CORIN: variants seen among roughly 807,000 people sequenced by gnomAD.
CORIN encodes atrial natriuretic peptide-converting enzyme.
Under a neutral mutation model 125.3 loss-of-function variants are expected in CORIN, and 117 were observed. The ratio of observed to expected loss-of-function variants is 0.93; its 90% CI spans 0.80 to 1.09. The LOEUF (loss-of-function observed/expected upper bound fraction) is 1.09, where lower values mean the gene tolerates loss of function less well. Ranked by LOEUF, CORIN falls within the 50% of genes least tolerant of loss-of-function variation. The pLI is 0.00. For missense variants in CORIN, 1,253 were observed against 1,306.7 expected (o/e 0.96, Z 0.63); for synonymous variants, 450 against 466.4 (o/e 0.96, Z 0.45).
At chr4:47,708,979 A>G (rs563078941) in intron 5 of CORIN, among the ~76,000 whole-genome samples, 2 of 152,204 alleles carry the variant, frequency 1.3e-5, no homozygotes, top group Non-Finnish European at 2.9e-5. Flanking sequence ...TTTTGTAGCT[A>G]TCAGCTACAA....
Position 47,685,726 on chromosome 4 carries a change from T to G in CORIN, c.914-1888A>C, listed in dbSNP as rs139252886. On this transcript the variant is annotated intron_variant, in intron 6 of 21. Transcript: ENST00000273857. Reference sequence around the variant, plus strand: ...TGCATTTTACAGAAACTAGATTTCTTAAGTATATTTTTATTTCCCTTATTT... The same window carrying G: ...TGCATTTTACAGAAACTAGATTTCTGAAGTATATTTTTATTTCCCTTATTT... 3.1e-4 allele frequency among the ~76,000 whole-genome samples: 47 copies of G among 152,216 alleles called. 1 individual carries two copies. In the East Asian group the frequency reaches 3.7e-3, roughly 12 times the overall value.
intron 1 of CORIN, among the ~76,000 whole-genome samples, chr4:47,827,363 T>C (rs957569570): frequency 6.6e-6 from 1 of 152,184 alleles, no homozygotes; most frequent in Admixed American, 6.5e-5. Flanking sequence ...AATAAAGCAT[T>C]TTCATTAATA....
rs61758484 is a variant in CORIN, at chr4:47,837,922, C to A, written c.28G>T (p.Glu10Ter). 6.2e-7 allele frequency: 1 copy of A among 1,613,682 alleles called. No homozygotes were observed. The highest frequency in any genetic ancestry group is 1.3e-5 in the African/African-American group (1 of 75,044). The change falls in exon 1 of 22, where the codon GAA becomes TAA. Residue 10 changes from glutamate to a stop codon, truncating the protein, a stop_gained. Transcript: ENST00000273857. LOFTEE classifies it high-confidence loss of function. Reference protein sequence around the residue: MKQSPALAPEERCRRAGSPK... With the variant: MKQSPALAP ...GACCCGGCTCTGCGGCAGCGCTCTT[C>A]CGGAGCGAGGGCAGGAGACTGTTTC... is the stretch of plus-strand genomic sequence containing the variant.
chr4:47,758,898 T>G (rs1729319436), intron 4 of CORIN, among the ~76,000 whole-genome samples: 1 of 152,222 alleles, frequency 6.6e-6, no homozygotes, highest in Non-Finnish European at 1.5e-5. Context: ...CAATTAAATC[T>G]CCTTCGTTTG....
At chr4:47,796,954 T>G (rs1307181989) in intron 2 of CORIN, among the ~76,000 whole-genome samples, 3 of 151,950 alleles carry the variant, frequency 2.0e-5, no homozygotes, top group African/African-American at 7.2e-5. Flanking sequence ...AGCAGTAAAC[T>G]CTGTTGTAAT....
At chr4:47,664,908 A>G (rs1357138758) in intron 11 of CORIN, 124 bp downstream of exon 11, 3 of 585,670 alleles carry the variant, frequency 5.1e-6, no homozygotes, top group Non-Finnish European at 9.1e-6. Flanking sequence ...CTTGTTAAAT[A>G]TAAAGTATTT....
At chr4:47,826,991 G>A (rs1470932269) in intron 1 of CORIN, among the ~76,000 whole-genome samples, 2 of 151,908 alleles carry the variant, frequency 1.3e-5, no homozygotes, top group East Asian at 3.9e-4. Flanking sequence ...ATAAAATCTT[G>A]GATATATTGA....
chr4:47,741,221 C>G (rs540593056), intron 5 of CORIN, among the ~76,000 whole-genome samples: 10 of 151,948 alleles, frequency 6.6e-5, no homozygotes, highest in African/African-American at 2.2e-4. Context: ...TATAAAGAAC[C>G]TGACAATTCA....
chr4:47,625,738 G>A (rs1722528482), intron 17 of CORIN, among the ~76,000 whole-genome samples: 1 of 152,098 alleles, frequency 6.6e-6, no homozygotes, highest in African/African-American at 2.4e-5. Flanking sequence ...TGAGATTTGA[G>A]CAAGTTATTT....
chr4:47,814,309 C>A (rs991804274), intron 1 of CORIN, among the ~76,000 whole-genome samples: 1 of 152,108 alleles, frequency 6.6e-6, no homozygotes, highest in East Asian at 1.9e-4. Flanking sequence ...ACTCTACTTG[C>A]GGCTAGATAT....
At chr4:47,605,983 C>G (rs1007832519) in intron 19 of CORIN, among the ~76,000 whole-genome samples, 5 of 152,130 alleles carry the variant, frequency 3.3e-5, no homozygotes, top group South Asian at 2.1e-4. Flanking sequence ...TATAGTCATG[C>G]ATGTTGTCCT....
chr4:47,616,175 T>C (rs553448152), intron 19 of CORIN, among the ~76,000 whole-genome samples: 2 of 152,194 alleles, frequency 1.3e-5, no homozygotes, highest in East Asian at 1.9e-4. Flanking sequence ...GTGGTGGTGA[T>C]TGGGTGGAAA....
At chr4:47,613,225 C>T (rs1043593472) in intron 19 of CORIN, among the ~76,000 whole-genome samples, 6 of 152,230 alleles carry the variant, frequency 3.9e-5, no homozygotes, top group East Asian at 3.9e-4. Flanking sequence ...GAGGCTAAAG[C>T]GGGCAGATCA....
chr4:47,677,745 G>GT (rs1344009821), intron 9 of CORIN, among the ~76,000 whole-genome samples, 193 bp downstream of exon 9: 1 of 152,198 alleles, frequency 6.6e-6, no homozygotes, highest in Non-Finnish European at 1.5e-5. Context: ...GATTTTCAGT[G>GT]TAAGTTGCTT....
intron 5 of CORIN, among the ~76,000 whole-genome samples, chr4:47,718,876 G>T (rs1727223006): frequency 2.0e-5 from 3 of 152,146 alleles, no homozygotes; most frequent in Non-Finnish European, 2.9e-5. Context: ...ACTCCTATGG[G>T]TCCCAAGGGA....
At chr4:47,760,130 T>C (rs1263471410) in intron 4 of CORIN, among the ~76,000 whole-genome samples, 1 of 152,188 alleles carries the variant, frequency 6.6e-6, no homozygotes, top group Non-Finnish European at 1.5e-5. Flanking sequence ...CCTTATGAAA[T>C]GTATTTCTGA....
intron 4 of CORIN, among the ~76,000 whole-genome samples, chr4:47,748,134 G>A (rs1237702559): frequency 1.3e-5 from 2 of 152,162 alleles, no homozygotes; most frequent in Non-Finnish European, 2.9e-5. Context: ...AATAGTGATG[G>A]GGTATTAATA....
intron 2 of CORIN, among the ~76,000 whole-genome samples, chr4:47,799,249 G>A (rs1731429763): frequency 6.6e-6 from 1 of 151,956 alleles, no homozygotes; most frequent in Non-Finnish European, 1.5e-5. Context: ...ATATGAGTGT[G>A]TGTGTCTTTT....
intron 5 of CORIN, among the ~76,000 whole-genome samples, chr4:47,709,687 T>C (rs1051398499): frequency 1.2e-4 from 18 of 152,194 alleles, no homozygotes; most frequent in Admixed American, 5.2e-4. Flanking sequence ...GACATCACAA[T>C]TGATTATAAG....
Sources: gnomAD v4.1 joint callset for allele counts (sites outside exome capture counted in the v4.1 genomes callset) on GRCh38, gnomAD v4.1.1 for gene constraint, MANE v1.5 for transcripts, NCBI Gene and HGNC (gene_info 2026-07-23, HGNC 2026-07-21) for gene names.